The following TRAK1 variants were observed in gnomAD, a reference collection of about 807,000 sequenced individuals.
The protein encoded by TRAK1 is trafficking kinesin protein 1, also known as trafficking kinesin-binding protein 1.
A neutral mutation model predicts 92.1 loss-of-function variants in TRAK1; 33 were observed. That is an observed-to-expected ratio of 0.36 (90% CI 0.27 to 0.48). The LOEUF (loss-of-function observed/expected upper bound fraction) is 0.48, where lower values mean the gene tolerates loss of function less well. Ranked by LOEUF, TRAK1 falls within the 20% of genes least tolerant of loss-of-function variation. The probability of loss-of-function intolerance (pLI) is 0.99; values close to 1 mark genes in which losing one functional copy is unlikely to be tolerated. For missense variants in TRAK1, 1,123 were observed against 1,257.9 expected (o/e 0.89, Z 1.62); for synonymous variants, 521 against 517.3 (o/e 1.01, Z -0.10).
intron 1 of TRAK1, among the ~76,000 whole-genome samples, chr3:42,105,358 A>G (rs776393070): frequency 6.6e-6 from 1 of 152,228 alleles, no homozygotes; most frequent in African/African-American, 2.4e-5. Context: ...TGGCACGAGA[A>G]CTATGTGACG....
Position 42,202,473 on chromosome 3 carries a change from A to T in TRAK1, c.1465A>T (p.Thr489Ser), listed in dbSNP as rs1707766670. 3.4e-6 allele frequency: 5 copies of T among 1,486,958 alleles called. No homozygotes were observed. The highest frequency in any genetic ancestry group is 4.5e-6 in the Non-Finnish European group (5 of 1,114,908). 92.1% of individuals were successfully genotyped at this position (1,486,958 alleles called of 1,614,324 possible). A position where few individuals can be genotyped will look rare whatever the true frequency, so the allele number is the denominator to read the frequency against. Reference protein sequence around the residue: ...ERSKKPGTPGTPGSHDLETAL... With the variant: ...ERSKKPGTPGSPGSHDLETAL... ...GAGTAAGAAGCCGGGGACGCCGGGC[A>T]CCCCAGGCTCCCACGACCTGGAGAC... is the stretch of plus-strand genomic sequence containing the variant. The change falls in exon 13 of 16, where the codon ACC (threonine) becomes TCC (serine). Residue 489 changes from threonine (T) to serine (S), a missense_variant. Around this residue, in one of 3 missense-constraint regions of TRAK1, gnomAD observed 686 missense variants for 747.6 expected, o/e 0.92. Coordinates refer to ENST00000327628, the MANE Select transcript of TRAK1 (RefSeq NM_001042646.3). The surrounding 1 kb of genome is among the most constrained non-coding windows in gnomAD (Gnocchi z 6.1).
At chr3:42,210,722 A>G (rs1379803251) in intron 14 of TRAK1, 1 of 986,268 alleles carries the variant, frequency 1.0e-6, no homozygotes, top group African/African-American at 1.7e-5. Flanking sequence ...CATGTGTTCA[A>G]AGTGGATTTT....
At chr3:42,031,308 A>G (rs1702138193) in intron 1 of TRAK1, among the ~76,000 whole-genome samples, 1 of 149,216 alleles carries the variant, frequency 6.7e-6, no homozygotes. Flanking sequence ...AAGTGCTGGG[A>G]TTACAGGCGT....
At chr3:42,070,674 C>T (rs1703896418) in intron 1 of TRAK1, among the ~76,000 whole-genome samples, 1 of 152,186 alleles carries the variant, frequency 6.6e-6, no homozygotes, top group South Asian at 2.1e-4. Flanking sequence ...AGCAATCCTC[C>T]TGCCTTGGTC....
chr3:42,119,156 A>T (rs1019508229), intron 1 of TRAK1, among the ~76,000 whole-genome samples: 8 of 152,260 alleles, frequency 5.3e-5, no homozygotes, highest in African/African-American at 1.9e-4. Flanking sequence ...TGAGGGGCTC[A>T]CAATTAGTAG....
intron 14 of TRAK1, among the ~76,000 whole-genome samples, chr3:42,215,689 A>C (rs1577056687): frequency 1.3e-5 from 2 of 152,372 alleles, no homozygotes; most frequent in East Asian, 3.9e-4. Flanking sequence ...GAAGGCCCTC[A>C]GTGCATCCCA....
intron 1 of TRAK1, among the ~76,000 whole-genome samples, chr3:42,049,258 G>T (rs995897154): frequency 6.6e-6 from 1 of 152,086 alleles, no homozygotes; most frequent in Non-Finnish European, 1.5e-5. Context: ...TTCCCTCATA[G>T]TTCTTTTAAC....
At chr3:42,163,191 T>C (rs1701463598) in intron 2 of TRAK1, among the ~76,000 whole-genome samples, 1 of 152,240 alleles carries the variant, frequency 6.6e-6, no homozygotes, top group South Asian at 2.1e-4. Flanking sequence ...TGTAGAACTC[T>C]CTGCTCTTAA....
intron 2 of TRAK1, among the ~76,000 whole-genome samples, chr3:42,136,643 A>C (rs937398296): frequency 6.8e-6 from 1 of 148,082 alleles, no homozygotes; most frequent in African/African-American, 2.5e-5. Flanking sequence ...AAAAATAAAT[A>C]AAAAATAAAT....
At chr3:42,102,976 A>G (rs1707016300) in intron 1 of TRAK1, among the ~76,000 whole-genome samples, 1 of 152,180 alleles carries the variant, frequency 6.6e-6, no homozygotes, top group Non-Finnish European at 1.5e-5. Flanking sequence ...GATATAATTC[A>G]TGCTTCATAC....
At chr3:42,057,585 A>C (rs146988273) in intron 1 of TRAK1, among the ~76,000 whole-genome samples, 14 of 152,210 alleles carry the variant, frequency 9.2e-5, no homozygotes, top group African/African-American at 3.4e-4. Context: ...GGATCAGAAC[A>C]AGTGGGCTGC....
intron 2 of TRAK1, among the ~76,000 whole-genome samples, chr3:42,144,606 T>G (rs1474770917): frequency 6.6e-6 from 1 of 152,218 alleles, no homozygotes; most frequent in Non-Finnish European, 1.5e-5. Context: ...TGCTGTAAGG[T>G]AAATGTGCCA....
At chr3:42,155,171 A>G (rs1489830464) in intron 2 of TRAK1, among the ~76,000 whole-genome samples, 1 of 152,078 alleles carries the variant, frequency 6.6e-6, no homozygotes, top group Non-Finnish European at 1.5e-5. Context: ...AGTATGGAGA[A>G]AAGGTGAGAC....
intron 1 of TRAK1, among the ~76,000 whole-genome samples, chr3:42,069,487 A>G (rs1178704780): frequency 1.3e-5 from 2 of 152,040 alleles, no homozygotes; most frequent in Non-Finnish European, 2.9e-5. Flanking sequence ...CTGGGTGGGG[A>G]TGGTCTGCCT....
At chr3:42,209,671 A>T in intron 13 of TRAK1, 96 bp from the exon 14 acceptor site, 1 of 1,275,770 alleles carries the variant, frequency 7.8e-7, no homozygotes, top group Non-Finnish European at 1.1e-6. Flanking sequence ...GTTCACGCTA[A>T]GCACTTTGAG....
At chr3:42,062,847 T>C (rs376439487) in intron 1 of TRAK1, among the ~76,000 whole-genome samples, 1 of 152,158 alleles carries the variant, frequency 6.6e-6, no homozygotes, top group African/African-American at 2.4e-5. Context: ...CTTGAGCTGT[T>C]TTCCAGGCTC....
intron 1 of TRAK1, among the ~76,000 whole-genome samples, chr3:42,110,400 A>C (rs956015607): frequency 3.3e-5 from 5 of 152,016 alleles, no homozygotes; most frequent in African/African-American, 1.2e-4. Context: ...GCTGAGAGCC[A>C]TGCAAGGCTG....
At chr3:42,030,499 C>A (rs1452239683) in intron 1 of TRAK1, among the ~76,000 whole-genome samples, 4 of 149,750 alleles carry the variant, frequency 2.7e-5, no homozygotes, top group African/African-American at 9.8e-5. Flanking sequence ...GTGATGAAAC[C>A]CCATCTCTAC....
intron 1 of TRAK1, among the ~76,000 whole-genome samples, chr3:42,075,340 CAAAAAAAAAAAAAAA>C (rs60881113): frequency 4.2e-4 from 30 of 71,082 alleles, no homozygotes; most frequent in Non-Finnish European, 7.4e-4. Flanking sequence ...GACTCAGTCT[CAAAAAAAAAAAAAAA>C]AAAAAAAAAA....
Sources: gnomAD v4.1 joint callset for allele counts (sites outside exome capture counted in the v4.1 genomes callset) on GRCh38, gnomAD v4.1.1 for gene constraint, gnomAD v4.1.1 regional missense constraint, Gnocchi (gnomAD v3.1) non-coding constraint, MANE v1.5 for transcripts, NCBI Gene and HGNC (gene_info 2026-07-23, HGNC 2026-07-21) for gene names.